HECW1: variants seen among roughly 807,000 people sequenced by gnomAD.
The protein encoded by HECW1 is HECT, C2 and WW domain containing E3 ubiquitin protein ligase 1.
HECW1 carries 61 observed loss-of-function variants against 182.3 expected under a neutral mutation model. The ratio of observed to expected loss-of-function variants is 0.33; its 90% CI spans 0.27 to 0.41. The LOEUF (loss-of-function observed/expected upper bound fraction) is 0.41, where lower values mean the gene tolerates loss of function less well. HECW1 is among the 10% of genes least tolerant of loss of function. HECW1 has a pLI of 1.00. For synonymous variants in HECW1, 859 were observed against 832.6 expected, an observed-to-expected ratio of 1.03 and a Z score of -0.55; for missense variants, 1,739 against 2,108.9, an observed-to-expected ratio of 0.82 and a Z score of 3.44.
At chr7:43,129,689 C>T (rs760140093) in intron 2 of HECW1, among the ~76,000 whole-genome samples, 2 of 152,144 alleles carry the variant, frequency 1.3e-5, no homozygotes, top group African/African-American at 2.4e-5. Context: ...GCTGGACAAA[C>T]CACTGGTGTC....
chr7:43,238,748 A>G (rs1798606037), intron 2 of HECW1, among the ~76,000 whole-genome samples: 1 of 152,216 alleles, frequency 6.6e-6, no homozygotes, highest in African/African-American at 2.4e-5. Context: ...CACTAAGTTC[A>G]TGCTCTTCAA....
intron 24 of HECW1, among the ~76,000 whole-genome samples, chr7:43,528,509 G>A (rs2080852702): frequency 6.6e-6 from 1 of 152,186 alleles, no homozygotes; most frequent in Admixed American, 6.5e-5. Context: ...ACTTTCGAAT[G>A]ATCAGTTTTA....
chr7:43,485,695 A>G (rs1449722156), intron 17 of HECW1, among the ~76,000 whole-genome samples: 1 of 152,200 alleles, frequency 6.6e-6, no homozygotes, highest in Non-Finnish European at 1.5e-5. Flanking sequence ...AAAATACAAT[A>G]TAAAAGATTT....
At chr7:43,343,694 C>A (rs1360433134) in intron 5 of HECW1, among the ~76,000 whole-genome samples, 1 of 151,826 alleles carries the variant, frequency 6.6e-6, no homozygotes, top group Non-Finnish European at 1.5e-5. Flanking sequence ...GGTTTCAAGT[C>A]TTTGCTATTG....
At chr7:43,183,865 T>C (rs1793100199) in intron 2 of HECW1, among the ~76,000 whole-genome samples, 1 of 152,304 alleles carries the variant, frequency 6.6e-6, no homozygotes, top group Admixed American at 6.5e-5. Context: ...ATCATCAATG[T>C]TTTTTGCTAT....
chr7:43,272,232 T>C (rs1263185651), intron 3 of HECW1, among the ~76,000 whole-genome samples: 1 of 151,992 alleles, frequency 6.6e-6, no homozygotes, highest in Non-Finnish European at 1.5e-5. Context: ...ACTATAAGAA[T>C]CCTAGAAGAA....
At chr7:43,161,116 G>T (rs1008304298) in intron 2 of HECW1, among the ~76,000 whole-genome samples, 1 of 152,068 alleles carries the variant, frequency 6.6e-6, no homozygotes, top group African/African-American at 2.4e-5. Context: ...TGACACACAG[G>T]TGGAACTGTG....
intron 2 of HECW1, among the ~76,000 whole-genome samples, chr7:43,159,105 G>GTTTGTTTA (rs1554295709): frequency 6.6e-6 from 1 of 150,664 alleles, no homozygotes; most frequent in African/African-American, 2.5e-5. Context: ...GAATCTGACA[G>GTTTGTTTA]TTTATTTATT....
rs79095804 is a variant in HECW1 at position 43,465,376 on chromosome 7, G to A, written c.2792-1071G>A. 1.5e-3 allele frequency among the ~76,000 whole-genome samples: 224 copies of A among 152,306 alleles called. No individual in the cohort carries two copies. The East Asian group carries it at 0.027, about 19-fold the overall frequency. On this transcript the variant is annotated intron_variant, in intron 14 of 29. Coordinates refer to ENST00000395891, the MANE Select transcript of HECW1 (RefSeq NM_015052.5). ...CACCTGTCCATCGTGGGTCAGCTGC[G>A]GAGTCGGCCACAGGCTGACCTGAGA...
intron 2 of HECW1, among the ~76,000 whole-genome samples, chr7:43,241,879 A>T (rs1798923211): frequency 6.6e-6 from 1 of 152,086 alleles, no homozygotes; most frequent in African/African-American, 2.4e-5. Flanking sequence ...GGCCTCTGTC[A>T]TGGGGGAAGG....
intron 6 of HECW1, among the ~76,000 whole-genome samples, chr7:43,370,794 C>T (rs977195642): frequency 2.0e-5 from 3 of 151,790 alleles, no homozygotes; most frequent in African/African-American, 7.3e-5. Flanking sequence ...ACCTTCCAAA[C>T]ATATGGAGAC....
intron 24 of HECW1, among the ~76,000 whole-genome samples, chr7:43,520,297 A>G (rs1479608398): frequency 6.6e-6 from 1 of 151,742 alleles, no homozygotes. Context: ...CTCAGCACAG[A>G]CCTCTTTACT....
intron 3 of HECW1, among the ~76,000 whole-genome samples, chr7:43,276,221 T>A (rs1803125462): frequency 6.6e-6 from 1 of 152,202 alleles, no homozygotes. Flanking sequence ...TCTAGCAGAC[T>A]GACTCCTAGC....
chr7:43,558,085 A>C (rs2082090311), intron 29 of HECW1, among the ~76,000 whole-genome samples: 1 of 152,192 alleles, frequency 6.6e-6, no homozygotes, highest in Non-Finnish European at 1.5e-5. Context: ...TGAGAACTGG[A>C]GATGGGACAC....
chr7:43,351,448 C>A (rs1814435867), intron 5 of HECW1, among the ~76,000 whole-genome samples: 2 of 152,132 alleles, frequency 1.3e-5, no homozygotes, highest in African/African-American at 4.8e-5. Flanking sequence ...TGCCCTTTAT[C>A]TTCCACTACC....
chr7:43,158,219 C>T (rs1384085761), intron 2 of HECW1, among the ~76,000 whole-genome samples: 2 of 152,156 alleles, frequency 1.3e-5, no homozygotes, highest in Admixed American at 6.5e-5. Flanking sequence ...AAAGGCAATA[C>T]AGGTTGACCA....
chr7:43,119,643 T>C (rs73690254), intron 2 of HECW1, among the ~76,000 whole-genome samples: 6,622 of 152,262 alleles, frequency 0.043, 508 homozygotes, highest in African/African-American at 0.15. Flanking sequence ...TCCCTTTGAA[T>C]GGCACGTTAG....
chr7:43,138,673 T>A (rs1716717039), intron 2 of HECW1, among the ~76,000 whole-genome samples: 1 of 152,232 alleles, frequency 6.6e-6, no homozygotes, highest in African/African-American at 2.4e-5. Flanking sequence ...GTTCTGTGCC[T>A]TAGTAAAAAC....
In HECW1 at chr7:43,562,910, A is replaced by T; in HGVS notation, c.*984A>T. On this transcript the variant is annotated 3_prime_UTR_variant, in exon 30 of 30. Coordinates refer to ENST00000395891, the MANE Select transcript of HECW1 (RefSeq NM_015052.5). ...CACAGTTCTTCACAAAGGAAAAAAAAATGTGTAGATGATACCATGACTTTT... is the reference window on the plus strand; with the variant it reads ...CACAGTTCTTCACAAAGGAAAAAAATATGTGTAGATGATACCATGACTTTT... 1 of 216,468 alleles carries T rather than the reference A, an allele frequency of 4.6e-6. No homozygotes were observed. Among genetic ancestry groups the T allele is most frequent in the East Asian group, 6.9e-5 (1 of 14,550 alleles). 13.4% of individuals were successfully genotyped at this position (216,468 alleles called of 1,614,324 possible). A position where few individuals can be genotyped will look rare whatever the true frequency, so the allele number is the denominator to read the frequency against.
Sources: gnomAD v4.1 joint callset for allele counts (sites outside exome capture counted in the v4.1 genomes callset) on GRCh38, gnomAD v4.1.1 for gene constraint, MANE v1.5 for transcripts, NCBI Gene and HGNC (gene_info 2026-07-23, HGNC 2026-07-21) for gene names.